ERI1: variants seen among roughly 807,000 people sequenced by gnomAD.
ERI1 encodes the protein 3'-5' exoribonuclease 1.
ERI1 carries 39 observed loss-of-function variants against 39.7 expected under a neutral mutation model. That is an observed-to-expected ratio of 0.98 (90% CI 0.76 to 1.28). The LOEUF is 1.28. Ranked by LOEUF, ERI1 falls within the 50% of genes most tolerant of loss-of-function variation. ERI1 has a pLI of 0.00. For missense variants in ERI1, 581 were observed against 416.9 expected (o/e 1.39, Z -3.43); for synonymous variants, 204 against 149.6 (o/e 1.36, Z -2.65).
At chr8:9,066,185 C>T (rs188314163) in intron 3 of ERI1, among the ~76,000 whole-genome samples, 57 of 152,322 alleles carry the variant, frequency 3.7e-4, no homozygotes, top group South Asian at 2.1e-3. Context: ...CCTTCTTCCT[C>T]TTCTTTGTCC....
At chr8:9,014,534 C>A (rs1285353210) in intron 3 of ERI1, among the ~76,000 whole-genome samples, 1 of 152,144 alleles carries the variant, frequency 6.6e-6, no homozygotes, top group Non-Finnish European at 1.5e-5. Flanking sequence ...TTTTAACTTA[C>A]CTAATTTATT....
intron 6 of ERI1, among the ~76,000 whole-genome samples, chr8:9,027,175 G>GTGTA (rs1563334109): frequency 6.6e-6 from 1 of 151,020 alleles, no homozygotes; most frequent in African/African-American, 2.4e-5. Flanking sequence ...GTGTGTGTGT[G>GTGTA]TGTTTATGGC....
intron 3 of ERI1, among the ~76,000 whole-genome samples, chr8:9,053,750 T>A (rs1798427449): frequency 6.6e-6 from 1 of 152,194 alleles, no homozygotes; most frequent in Non-Finnish European, 1.5e-5. Flanking sequence ...AGTACCAGAA[T>A]TGAACTGTAG....
chr8:9,025,963 C>T (rs1818431966), intron 6 of ERI1, among the ~76,000 whole-genome samples: 1 of 152,058 alleles, frequency 6.6e-6, no homozygotes, highest in South Asian at 2.1e-4. Flanking sequence ...AGTGTATGTA[C>T]ATTGAGCCAT....
rs578123818 is a variant in ERI1 at position 9,077,486 on chromosome 8, A to T, written n.300-38862A>T. Among the ~76,000 whole-genome samples the T allele has an allele frequency of 1.2e-3, 174 of 144,134 alleles. 2 individuals carry two copies. The highest frequency in any genetic ancestry group is 2.1e-3 in the Non-Finnish European group (138 of 66,216). The allele number at this position is 144,134 out of a possible 152,430, so 94.6% of individuals were successfully genotyped here. A position where few individuals can be genotyped will look rare whatever the true frequency, so the allele number is the denominator to read the frequency against. Reference sequence around the variant, plus strand: ...CTGTGACTCAGAGGAGGACCAGCTGACTGACGCTTTTATACCCCACAGAAA... The same window carrying T: ...CTGTGACTCAGAGGAGGACCAGCTGTCTGACGCTTTTATACCCCACAGAAA... On this transcript the variant is annotated intron_variant and non_coding_transcript_variant, in intron 3 of 3. Coordinates refer to the ERI1 transcript ENST00000518663.
chr8:9,008,711 A>AT lies in ERI1; in HGVS notation c.287+569dup, dbSNP rs1006108395. Among the ~76,000 whole-genome samples the AT allele has an allele frequency of 4.5e-4, 69 of 152,226 alleles. 1 individual carries two copies. The highest frequency in any genetic ancestry group is 1.3e-3 in the African/African-American group (55 of 41,540). On this transcript the variant is annotated intron_variant, in intron 2 of 6. Transcript: ENST00000250263. ...TATACACATACCTAAGTTTTTAGTA[A>AT]TTTTTTGCGAAACAAATCACTTTAC...
At chr8:9,091,446 AG>A (rs1799701527) in intron 3 of ERI1, 1 of 151,632 alleles carries the variant, frequency 6.6e-6, no homozygotes, top group Non-Finnish European at 1.5e-5. Flanking sequence ...GCTTGCACCC[AG>A]GAGGAGGAGG....
intron 3 of ERI1, among the ~76,000 whole-genome samples, chr8:9,050,061 G>C (rs1458423081): frequency 6.6e-6 from 1 of 151,904 alleles, no homozygotes; most frequent in East Asian, 1.9e-4. Context: ...CGGCTCCCTG[G>C]TCTGTAAGAT....
intron 3 of ERI1, among the ~76,000 whole-genome samples, chr8:9,013,060 A>G (rs948307682): frequency 2.0e-5 from 3 of 151,394 alleles, no homozygotes; most frequent in African/African-American, 7.3e-5. Flanking sequence ...TTGTACCCAG[A>G]CTTGAGTGCA....
chr8:9,040,730 G>GTGTGT (rs1491541889), intron 3 of ERI1, among the ~76,000 whole-genome samples: 121 of 50,400 alleles, frequency 2.4e-3, no homozygotes, highest in African/African-American at 9.7e-3. Context: ...GTGTGTGTGT[G>GTGTGT]GGGGGGGGGT....
intron 3 of ERI1, among the ~76,000 whole-genome samples, chr8:9,061,097 C>T (rs540493466): frequency 3.4e-4 from 51 of 152,224 alleles, no homozygotes; most frequent in African/African-American, 1.2e-3. Flanking sequence ...TGGAGGGGAG[C>T]GGAGCGGTAG....
intron 3 of ERI1, among the ~76,000 whole-genome samples, chr8:9,058,464 T>G (rs1798584424): frequency 6.6e-6 from 1 of 152,204 alleles, no homozygotes; most frequent in African/African-American, 2.4e-5. Flanking sequence ...GGGCAATGGT[T>G]TTCTCCATGT....
At chr8:9,080,158 G>T (rs6601283) in intron 3 of ERI1, among the ~76,000 whole-genome samples, 80,169 of 152,042 alleles carry the variant, frequency 0.53, 22,764 homozygotes, top group African/African-American at 0.69. Flanking sequence ...ATTTTACAGC[G>T]ACTTGTGGTA....
At chr8:9,057,289 C>A (rs143220114) in intron 3 of ERI1, among the ~76,000 whole-genome samples, 48 of 152,278 alleles carry the variant, frequency 3.2e-4, no homozygotes, top group African/African-American at 1.1e-3. Context: ...GGATGACTGA[C>A]GTGAGCCACT....
chr8:9,075,524 A>G (rs1445906916), intron 3 of ERI1, among the ~76,000 whole-genome samples: 2 of 151,470 alleles, frequency 1.3e-5, no homozygotes, highest in Non-Finnish European at 2.9e-5. Flanking sequence ...TTCATTATGA[A>G]CACGGTCTTT....
chr8:9,090,954 A>C (rs1299534129), intron 3 of ERI1, among the ~76,000 whole-genome samples: 1 of 152,194 alleles, frequency 6.6e-6, no homozygotes, highest in Non-Finnish European at 1.5e-5. Context: ...TTACTTTCTA[A>C]TACTTAGCAT....
chr8:9,025,247 A>G (rs1017126396), intron 6 of ERI1, among the ~76,000 whole-genome samples: 2 of 152,190 alleles, frequency 1.3e-5, no homozygotes, highest in East Asian at 1.9e-4. Context: ...AGACTTTCCA[A>G]TAGCTTTCCT....
chr8:9,009,202 G>T, intron 2 of ERI1: 3 of 388,848 alleles, frequency 7.7e-6, no homozygotes, highest in South Asian at 5.7e-5. Flanking sequence ...AGGCATTGAA[G>T]TTATAAAGGT....
chr8:9,039,412 G>A (rs1219557953), intron 3 of ERI1, among the ~76,000 whole-genome samples: 1 of 152,080 alleles, frequency 6.6e-6, no homozygotes, highest in Non-Finnish European at 1.5e-5. Flanking sequence ...TCAGAAAAAG[G>A]TCTGGCTTGA....
Sources: gnomAD v4.1 joint callset for allele counts (sites outside exome capture counted in the v4.1 genomes callset) on GRCh38, gnomAD v4.1.1 for gene constraint, MANE v1.5 for transcripts, NCBI Gene and HGNC (gene_info 2026-07-23, HGNC 2026-07-21) for gene names.